Variants in HACD2 observed in about 807,000 individuals in gnomAD.
HACD2 encodes the protein 3-hydroxyacyl-CoA dehydratase 2, also known as very-long-chain (3R)-3-hydroxyacyl-CoA dehydratase 2.
A neutral mutation model predicts 31.0 loss-of-function variants in HACD2; 15 were observed. The ratio of observed to expected loss-of-function variants is 0.48; its 90% CI spans 0.32 to 0.75. The LOEUF (loss-of-function observed/expected upper bound fraction) is 0.75, where lower values mean the gene tolerates loss of function less well. Ranked by LOEUF, HACD2 falls within the 30% of genes least tolerant of loss-of-function variation. The pLI is 0.03. For synonymous variants in HACD2, 115 were observed against 122.2 expected (o/e 0.94, Z 0.39); for missense variants, 283 against 313.0 (o/e 0.90, Z 0.72).
chr3:123,532,903 G>C (rs1456325988), intron 3 of HACD2, among the ~76,000 whole-genome samples: 1 of 150,618 alleles, frequency 6.6e-6, no homozygotes, highest in Non-Finnish European at 1.5e-5. Context: ...CCGTAGGAAT[G>C]GTGTACAGTA....
At chr3:123,578,647 A>T (rs2056933217) in intron 2 of HACD2, among the ~76,000 whole-genome samples, 1 of 152,212 alleles carries the variant, frequency 6.6e-6, no homozygotes, top group South Asian at 2.1e-4. Context: ...TTTAAAAAGC[A>T]AAGTGTTATT....
At chr3:123,515,033 T>C (rs1427997517) in intron 4 of HACD2, among the ~76,000 whole-genome samples, 4 of 152,246 alleles carry the variant, frequency 2.6e-5, no homozygotes, top group African/African-American at 7.2e-5. Flanking sequence ...GGTTACATTA[T>C]ACCCAGTAGG....
At chr3:123,546,936 T>G (rs1322069938) in intron 3 of HACD2, among the ~76,000 whole-genome samples, 1 of 152,150 alleles carries the variant, frequency 6.6e-6, no homozygotes, top group Non-Finnish European at 1.5e-5. Context: ...TAAACAATCT[T>G]CTGAATCATC....
intron 3 of HACD2, among the ~76,000 whole-genome samples, chr3:123,548,239 G>A (rs1239545851): frequency 1.3e-5 from 2 of 151,964 alleles, no homozygotes; most frequent in Admixed American, 1.3e-4. Context: ...AAAAGAGACT[G>A]GATCATAAAA....
In HACD2 at chr3:123,565,127, G is replaced by A. The variant is rs114575347; in HGVS notation, c.292+2635C>T. On this transcript the variant is annotated intron_variant, in intron 3 of 6. Transcript: ENST00000383657. ...CACCTGGTATGCACACGTGCTAGGC[G>A]TTCGATAATTTTCTTGGTGTGAATG... Among the ~76,000 whole-genome samples, 318 of 152,146 alleles carry A rather than the reference G, an allele frequency of 2.1e-3. 1 individual carries two copies. Among genetic ancestry groups the A allele is most frequent in the African/African-American group, 7.4e-3 (309 of 41,482 alleles).
chr3:123,572,782 A>G (rs2056869329), intron 2 of HACD2, among the ~76,000 whole-genome samples: 1 of 152,224 alleles, frequency 6.6e-6, no homozygotes, highest in South Asian at 2.1e-4. Flanking sequence ...GAAGTCTCAA[A>G]GGGAACAGAA....
chr3:123,549,593 CA>C (rs2056597001), intron 3 of HACD2, among the ~76,000 whole-genome samples: 1 of 152,036 alleles, frequency 6.6e-6, no homozygotes, highest in Non-Finnish European at 1.5e-5. Flanking sequence ...ACCAAAAATA[CA>C]AAACTTAGCT....
intron 2 of HACD2, among the ~76,000 whole-genome samples, chr3:123,580,945 C>T (rs2056959527): frequency 1.3e-5 from 2 of 151,048 alleles, no homozygotes; most frequent in South Asian, 4.2e-4. Flanking sequence ...AACCTTGCCT[C>T]CCAGTAGCTG....
chr3:123,503,974 A>G (rs1030648418), intron 4 of HACD2, among the ~76,000 whole-genome samples: 75 of 152,350 alleles, frequency 4.9e-4, no homozygotes, highest in African/African-American at 1.7e-3. Flanking sequence ...ATATCTATTA[A>G]CTAAATTGCT....
chr3:123,498,946 A>T (rs2055869749), intron 6 of HACD2, among the ~76,000 whole-genome samples: 1 of 152,196 alleles, frequency 6.6e-6, no homozygotes, highest in Non-Finnish European at 1.5e-5. Flanking sequence ...ATGCAGACAG[A>T]TGGAGGCTGC....
rs750700814 is a variant in HACD2, at chr3:123,502,604, T to C, written c.459A>G (p.Thr153=). Residue 153 remains threonine, a synonymous_variant, in exon 5 of 7, where the codon ACA becomes ACG. Coordinates refer to ENST00000383657, the MANE Select transcript of HACD2 (RefSeq NM_198402.5). The part of the protein sequence containing the change: ...ITEIIRYSFY[T]FSLLNHLPYL... ...AAGGCAGATGGTTTAATAGACTGAA[T>C]GTATAAAAGGAGTAACGGATGATTT... The C allele has an allele frequency of 6.8e-6, 11 of 1,610,872 alleles. 1 individual carries two copies. The Middle Eastern group carries it at 6.6e-4, about 97-fold the overall frequency.
chr3:123,537,584 T>TAC (rs1392587126), intron 3 of HACD2, among the ~76,000 whole-genome samples: 93 of 139,506 alleles, frequency 6.7e-4, no homozygotes, highest in African/African-American at 2.7e-3. Flanking sequence ...CAAATACACA[T>TAC]ACACACACAC....
At chr3:123,575,710 T>C (rs2056901371) in intron 2 of HACD2, among the ~76,000 whole-genome samples, 1 of 152,268 alleles carries the variant, frequency 6.6e-6, no homozygotes, top group Non-Finnish European at 1.5e-5. Flanking sequence ...CATGGTCTGT[T>C]ATCCAGGAAC....
chr3:123,541,837 A>G (rs559782711), intron 3 of HACD2, among the ~76,000 whole-genome samples: 36 of 152,336 alleles, frequency 2.4e-4, no homozygotes, highest in African/African-American at 7.0e-4. Flanking sequence ...TTCACAATGT[A>G]AAATGCTTGC....
chr3:123,563,642 T>TAC (rs765094189), intron 3 of HACD2, among the ~76,000 whole-genome samples: 9,798 of 104,880 alleles, frequency 0.093, 386 homozygotes, highest in Non-Finnish European at 0.11. Flanking sequence ...AAAAAATATA[T>TAC]ATACACACAC....
chr3:123,541,068 C>T lies in HACD2; in HGVS notation c.293-12594G>A, dbSNP rs544767852. Reference sequence around the variant, plus strand: ...GGTGGATCACCTGAGGTTAGGAGTTCGAGACCAGCCTGGCCAACATGATGA... The same window carrying T: ...GGTGGATCACCTGAGGTTAGGAGTTTGAGACCAGCCTGGCCAACATGATGA... On this transcript the variant is annotated intron_variant, in intron 3 of 6. Transcript: ENST00000383657. Among the ~76,000 whole-genome samples the T allele has an allele frequency of 7.9e-5, 12 of 152,148 alleles. No individual in the cohort carries two copies. The South Asian group carries it at 1.9e-3, about 24-fold the overall frequency.
intron 3 of HACD2, among the ~76,000 whole-genome samples, chr3:123,567,241 A>C (rs2056801729): frequency 6.6e-6 from 1 of 152,162 alleles, no homozygotes; most frequent in Admixed American, 6.5e-5. Context: ...GCCCCTCCCC[A>C]CAAAAAGGAA....
intron 3 of HACD2, among the ~76,000 whole-genome samples, chr3:123,539,628 T>G (rs893352411): frequency 2.0e-5 from 3 of 150,730 alleles, no homozygotes; most frequent in Non-Finnish European, 1.5e-5. Context: ...AAAATAAGGG[T>G]AAAAACAATA....
intron 4 of HACD2, among the ~76,000 whole-genome samples, chr3:123,503,167 A>T (rs1347462289): frequency 6.6e-6 from 1 of 151,702 alleles, no homozygotes; most frequent in African/African-American, 2.4e-5. Context: ...CAGGAGGCTG[A>T]GGCAGGAGAG....
Sources: allele counts gnomAD v4.1 joint callset (sites outside exome capture counted in the v4.1 genomes callset), GRCh38; gene constraint gnomAD v4.1.1; transcripts MANE v1.5; gene names NCBI Gene and HGNC (gene_info 2026-07-23, HGNC 2026-07-21).